SPOPL: variants seen among roughly 807,000 people sequenced by gnomAD.
SPOPL encodes speckle-type POZ protein-like.
A neutral mutation model predicts 53.8 loss-of-function variants in SPOPL; 23 were observed. The observed-to-expected ratio is 0.43, with a 90% CI of 0.31 to 0.61. SPOPL has a LOEUF of 0.61. Ranked by LOEUF, SPOPL falls within the 20% of genes least tolerant of loss-of-function variation. The pLI is 0.12. For missense variants in SPOPL, 442 were observed against 466.9 expected (o/e 0.95, Z 0.49); for synonymous variants, 164 against 149.7 (o/e 1.10, Z -0.70).
At chr2:138,526,606 A>C (rs752137144) in intron 1 of SPOPL, among the ~76,000 whole-genome samples, 8 of 152,152 alleles carry the variant, frequency 5.3e-5, no homozygotes, top group Non-Finnish European at 8.8e-5. Flanking sequence ...TGTGCCATAC[A>C]AAAAAATTTA....
rs1417315762 is a variant in SPOPL at position 138,564,817 on chromosome 2, A to T, written c.947A>T (p.Gln316Leu). 6.2e-7 allele frequency: 1 copy of T among 1,614,078 alleles called. No individual in the cohort carries two copies. Among genetic ancestry groups the T allele is most frequent in the Non-Finnish European group, 8.5e-7 (1 of 1,179,920 alleles). Residue 316 changes from glutamine to leucine, a missense_variant, in exon 9 of 11, where the codon CAG becomes CTG. Gln to Leu is a moderately radical substitution (Grantham distance 113, BLOSUM62 -2). Transcript: ENST00000280098. ...LVLADLHSAEQLKAQAIDFIN... is the reference protein window; with the variant it reads ...LVLADLHSAELLKAQAIDFIN... ...CTTGCAGATTTGCACAGTGCAGAAC[A>T]GTTGAAAGCACAAGCCATAGACTTT...
intron 10 of SPOPL, among the ~76,000 whole-genome samples, chr2:138,566,617 T>G (rs2104907889): frequency 1.3e-5 from 2 of 152,324 alleles, no homozygotes; most frequent in African/African-American, 4.8e-5. Flanking sequence ...TTTGCACCAA[T>G]CTAATAATTT....
chr2:138,532,519 C>T (rs1195850044), intron 1 of SPOPL, among the ~76,000 whole-genome samples: 4 of 148,274 alleles, frequency 2.7e-5, no homozygotes, highest in Admixed American at 1.3e-4. Flanking sequence ...CTCTGCCTCC[C>T]GGGTTCACAC....
intron 1 of SPOPL, among the ~76,000 whole-genome samples, chr2:138,543,796 A>T (rs1039734516): frequency 6.6e-6 from 1 of 150,552 alleles, no homozygotes; most frequent in Non-Finnish European, 1.5e-5. Flanking sequence ...GTTCCTTTGG[A>T]GGAGGAGAGG....
chr2:138,524,594 C>G (rs1573877042), intron 1 of SPOPL, among the ~76,000 whole-genome samples: 1 of 152,198 alleles, frequency 6.6e-6, no homozygotes. Context: ...GTCACCTCTT[C>G]AATGGTTTGC....
chr2:138,516,760 G>A (rs2104860383), intron 1 of SPOPL, among the ~76,000 whole-genome samples: 1 of 152,354 alleles, frequency 6.6e-6, no homozygotes, highest in Middle Eastern at 3.4e-3. Context: ...TGGAAAAGTG[G>A]TCTGGAAACA....
At chr2:138,551,129 GA>G in intron 4 of SPOPL, 75 bp downstream of exon 4, 1 of 1,522,400 alleles carries the variant, frequency 6.6e-7, no homozygotes, top group South Asian at 1.3e-5. Context: ...CCTTTACCTA[GA>G]AAAGTCTGGG....
intron 1 of SPOPL, among the ~76,000 whole-genome samples, chr2:138,517,770 G>C (rs1684470841): frequency 6.6e-6 from 1 of 151,566 alleles, no homozygotes; most frequent in African/African-American, 2.4e-5. Flanking sequence ...CCTAGGCCAG[G>C]GCACGGTGGC....
chr2:138,518,787 T>G lies in SPOPL; in HGVS notation c.-61+16668T>G, dbSNP rs148386054. On this transcript the variant is annotated intron_variant, in intron 1 of 10. Transcript: ENST00000280098. ...GAGTTAATAGCTGGTGTATACCTGA[T>G]GGAGAGCCAAGCAATTAAAGTTTAA... Among the ~76,000 whole-genome samples the G allele has an allele frequency of 2.4e-4, 36 of 152,358 alleles. No individual in the cohort carries two copies. In the East Asian group the frequency reaches 6.2e-3, roughly 26 times the overall value.
At chr2:138,513,108 C>T (rs1352440589) in intron 1 of SPOPL, among the ~76,000 whole-genome samples, 1 of 152,164 alleles carries the variant, frequency 6.6e-6, no homozygotes, top group African/African-American at 2.4e-5. Context: ...AAATTCTTTT[C>T]AATTTAGTGT....
Position 138,564,980 on chromosome 2 carries a change from A to G in SPOPL, c.1021A>G (p.Asn341Asp), listed in dbSNP as rs1224540067. The change falls in exon 10 of 11, where the codon AAC (asparagine) becomes GAC (aspartate). Residue 341 changes from asparagine to aspartate, a missense_variant. By Grantham distance (23) the Asn-to-Asp change is conservative (BLOSUM62 1). Transcript: ENST00000280098. ...ACAACTTGGGTGTAAAGATGGGAAA[A>G]ACTGGAACAGCAAGTAAGATGACAT... ...LRQLGCKDGKNWNSNQATDIM... is the reference protein window; with the variant it reads ...LRQLGCKDGKDWNSNQATDIM... 1 of 1,614,042 alleles carries G rather than the reference A, an allele frequency of 6.2e-7. No homozygotes were observed. The highest frequency in any genetic ancestry group is 8.5e-7 in the Non-Finnish European group (1 of 1,179,998).
chr2:138,539,198 T>C (rs945472113), intron 1 of SPOPL, among the ~76,000 whole-genome samples: 13 of 152,204 alleles, frequency 8.5e-5, no homozygotes, highest in East Asian at 1.9e-4. Flanking sequence ...TGAATAGTGC[T>C]GCAATAAACA....
intron 1 of SPOPL, among the ~76,000 whole-genome samples, chr2:138,516,316 G>A (rs554479552): frequency 4.5e-4 from 69 of 152,182 alleles, no homozygotes; most frequent in African/African-American, 8.2e-4. Context: ...AAGGCATAAT[G>A]GGAATAATGA....
intron 1 of SPOPL, among the ~76,000 whole-genome samples, chr2:138,521,951 A>G (rs1330794227): frequency 6.6e-6 from 1 of 152,178 alleles, no homozygotes; most frequent in Non-Finnish European, 1.5e-5. Context: ...TGTGTGTGTT[A>G]GCGGTATTGA....
At chr2:138,525,662 A>ACAAAAAAC (rs1553468785) in intron 1 of SPOPL, among the ~76,000 whole-genome samples, 3 of 104,654 alleles carry the variant, frequency 2.9e-5, no homozygotes, top group East Asian at 2.8e-4. Context: ...AGTAGAAAAA[A>ACAAAAAAC]AAAAAAAAAA....
chr2:138,549,388 C>A (rs1034417235), intron 1 of SPOPL, among the ~76,000 whole-genome samples: 1 of 151,942 alleles, frequency 6.6e-6, no homozygotes, highest in Non-Finnish European at 1.5e-5. Flanking sequence ...ATCTTGAAAC[C>A]CTCTTACACC....
intron 1 of SPOPL, among the ~76,000 whole-genome samples, chr2:138,542,905 T>C (rs1191206972): frequency 1.3e-5 from 2 of 152,200 alleles, no homozygotes; most frequent in African/African-American, 4.8e-5. Context: ...AGCGCTTCCT[T>C]CAGGAGCTCT....
intron 10 of SPOPL, among the ~76,000 whole-genome samples, chr2:138,566,704 C>T (rs1397504223): frequency 6.6e-6 from 1 of 152,130 alleles, no homozygotes; most frequent in Non-Finnish European, 1.5e-5. Flanking sequence ...CTAGCATCTT[C>T]TGTGTTTCAA....
intron 1 of SPOPL, among the ~76,000 whole-genome samples, chr2:138,503,215 C>T (rs1684143996): frequency 6.6e-6 from 1 of 152,080 alleles, no homozygotes; most frequent in South Asian, 2.1e-4. Flanking sequence ...AGAGCTCAGA[C>T]TAGTATATAG....
Sources: gnomAD v4.1 joint callset for allele counts (sites outside exome capture counted in the v4.1 genomes callset) on GRCh38, gnomAD v4.1.1 for gene constraint, MANE v1.5 for transcripts, NCBI Gene and HGNC (gene_info 2026-07-23, HGNC 2026-07-21) for gene names.